Variants in WFDC1 observed in about 807,000 individuals in gnomAD.
WFDC1 encodes the protein WAP four-disulfide core domain protein 1.
WFDC1 carries 39 observed loss-of-function variants against 32.9 expected under a neutral mutation model. The observed-to-expected ratio is 1.19, with a 90% CI of 0.92 to 1.55. The LOEUF is 1.55. Ranked by LOEUF, WFDC1 falls within the 40% of genes most tolerant of loss-of-function variation. WFDC1 has a pLI of 0.00. For missense variants in WFDC1, 386 were observed against 309.5 expected (o/e 1.25, Z -1.85); for synonymous variants, 184 against 137.4 (o/e 1.34, Z -2.37).
At chr16:84,328,777 C>G (rs1029281788) in intron 6 of WFDC1, 3 of 125,826 alleles carry the variant, frequency 2.4e-5, no homozygotes, top group African/African-American at 9.1e-5. Flanking sequence ...TGGTGAAACC[C>G]TATCTCTACA....
chr16:84,297,617 C>CAA (rs150683526), intron 1 of WFDC1, among the ~76,000 whole-genome samples: 2,689 of 69,398 alleles, frequency 0.039, 245 homozygotes, highest in East Asian at 0.18. Context: ...AACTCTGTCT[C>CAA]AAAAAAAAAA....
At chr16:84,324,891 C>T (rs1483676466) in intron 5 of WFDC1, among the ~76,000 whole-genome samples, 1 of 151,996 alleles carries the variant, frequency 6.6e-6, no homozygotes, top group Non-Finnish European at 1.5e-5. Context: ...ATTCATCCAT[C>T]CATCCTCTCA....
In WFDC1 at chr16:84,312,963, C is replaced by G; in HGVS notation, c.147C>G (p.Ala49=). 4 of 1,158,308 alleles carry G rather than the reference C, an allele frequency of 3.5e-6. No individual in the cohort carries two copies. The highest frequency in any genetic ancestry group is 8.5e-5 in the South Asian group (2 of 23,566). 71.8% of individuals were successfully genotyped at this position (1,158,308 alleles called of 1,614,324 possible). A position where few individuals can be genotyped will look rare whatever the true frequency, so the allele number is the denominator to read the frequency against. The change falls in exon 2 of 7, where the codon GCC becomes GCG. Residue 49 remains alanine, a splice_region_variant and synonymous_variant. Transcript: ENST00000219454. ...CTGACACCGCCCTCTCCCCGCAGGC[C>G]GAGGAGGCGGGCGCGCCCGGCGGCC... ...LPARLAEKSR[A]EEAGAPGGPR... is the part of the protein sequence containing the mutation.
chr16:84,314,058 A>AAAAAG (rs1467135966), intron 2 of WFDC1, among the ~76,000 whole-genome samples: 1 of 152,032 alleles, frequency 6.6e-6, no homozygotes, highest in Non-Finnish European at 1.5e-5. Flanking sequence ...AAAAAGAAAG[A>AAAAAG]AAAAGAAAAG....
At chr16:84,302,489 G>C (rs1906999003) in intron 1 of WFDC1, among the ~76,000 whole-genome samples, 1 of 152,116 alleles carries the variant, frequency 6.6e-6, no homozygotes, top group Non-Finnish European at 1.5e-5. Flanking sequence ...CCGAGAGGCA[G>C]CCTCTCAGCA....
At chr16:84,308,311 T>C (rs1484695978) in intron 1 of WFDC1, among the ~76,000 whole-genome samples, 2 of 152,098 alleles carry the variant, frequency 1.3e-5, no homozygotes, top group Non-Finnish European at 2.9e-5. Context: ...AGGGACCTGG[T>C]GCCCCCTGCA....
At chr16:84,317,356 T>C (rs1396492315) in intron 2 of WFDC1, 1 of 150,760 alleles carries the variant, frequency 6.6e-6, no homozygotes, top group African/African-American at 2.4e-5. Context: ...AATAAATAAA[T>C]AGAATAAGAA....
Position 84,318,294 on chromosome 16 carries a change from G to A in WFDC1, c.360G>A (p.Pro120=), listed in dbSNP as rs535524526. 69 of 1,614,086 alleles carry A rather than the reference G, an allele frequency of 4.3e-5. No individual in the cohort carries two copies. Among genetic ancestry groups the A allele is most frequent in the Middle Eastern group, 3.3e-4 (2 of 6,050 alleles). The change falls in exon 3 of 7, where the codon CCG becomes CCA. Residue 120 remains proline, a synonymous_variant. Transcript: ENST00000219454. ...TAGTCTTAGACTGGCTGGTGCAGCCGAAACCTCGATGGCTTGGTGGCAATG... is the reference window on the plus strand; with the variant it reads ...TAGTCTTAGACTGGCTGGTGCAGCCAAAACCTCGATGGCTTGGTGGCAATG... ...PPPVLDWLVQ[P]KPRWLGGNGW...
chr16:84,307,290 A>C (rs8051764), intron 1 of WFDC1, among the ~76,000 whole-genome samples: 37,452 of 152,110 alleles, frequency 0.25, 4,758 homozygotes, highest in Middle Eastern at 0.39. Context: ...AGAACTCCAG[A>C]AAACGCCCTG....
intron 1 of WFDC1, among the ~76,000 whole-genome samples, chr16:84,312,225 C>A (rs545984358): frequency 1.3e-5 from 2 of 152,130 alleles, no homozygotes; most frequent in Admixed American, 6.6e-5. Context: ...CCTACGTGTT[C>A]AGCTCCATGA....
In WFDC1 at chr16:84,306,803, C is replaced by T. The variant is rs552353649; in HGVS notation, c.145-6158C>T. ...ATCATCATCATCACAGCTTTTGTTCCACCCGAAGAATATTTACTGAGTACT... is the reference window on the plus strand; with the variant it reads ...ATCATCATCATCACAGCTTTTGTTCTACCCGAAGAATATTTACTGAGTACT... On this transcript the variant is annotated intron_variant, in intron 1 of 6. Coordinates refer to ENST00000219454, the MANE Select transcript of WFDC1 (RefSeq NM_021197.4). Among the ~76,000 whole-genome samples, 8 of 151,784 alleles carry T rather than the reference C, an allele frequency of 5.3e-5. No individual in the cohort carries two copies. The South Asian group carries it at 1.7e-3, about 32-fold the overall frequency.
chr16:84,322,145 C>CTGTGTGTGTGTGTGCG (rs1908336340), intron 4 of WFDC1, among the ~76,000 whole-genome samples: 1 of 109,336 alleles, frequency 9.1e-6, no homozygotes, highest in Non-Finnish European at 2.1e-5. Context: ...GCCTCAGAGC[C>CTGTGTGTGTGTGTGCG]TGTGTGTGTG....
chr16:84,324,355 T>G, intron 4 of WFDC1, 64 bp from the exon 5 acceptor site: 1 of 1,462,504 alleles, frequency 6.8e-7, no homozygotes, highest in Admixed American at 1.7e-5. Context: ...TCAGTGTTAT[T>G]ATGACAACAG....
intron 2 of WFDC1, 56 bp from the exon 3 acceptor site, chr16:84,318,216 C>A: frequency 6.3e-7 from 1 of 1,580,672 alleles, no homozygotes; most frequent in Non-Finnish European, 8.7e-7. Flanking sequence ...GCCCCCAAGC[C>A]TGGGCGTTTC....
At chr16:84,320,739 C>T (rs1004476502) in intron 4 of WFDC1, among the ~76,000 whole-genome samples, 10 of 152,148 alleles carry the variant, frequency 6.6e-5, no homozygotes, top group African/African-American at 2.4e-4. Context: ...ACCCAGGGGC[C>T]CCTGTCCCCG....
intron 2 of WFDC1, among the ~76,000 whole-genome samples, chr16:84,314,337 G>GTGGGGAAAATGTGCCCTTGGT (rs1392939022): frequency 1.3e-5 from 2 of 152,178 alleles, no homozygotes; most frequent in Non-Finnish European, 2.9e-5. Flanking sequence ...GTGCCCTTGG[G>GTGGGGAAAATGTGCCCTTGGT]TGGGGAAAAT....
chr16:84,324,227 G>A (rs995033895), intron 4 of WFDC1, among the ~76,000 whole-genome samples, 192 bp from the exon 5 acceptor site: 1 of 152,170 alleles, frequency 6.6e-6, no homozygotes, highest in African/African-American at 2.4e-5. Flanking sequence ...TGGGTTGATG[G>A]CTCTGGATAT....
intron 5 of WFDC1, 148 bp downstream of exon 5, chr16:84,324,608 G>T: frequency 1.2e-6 from 1 of 853,728 alleles, no homozygotes; most frequent in South Asian, 1.8e-5. Flanking sequence ...GAAGACCTGT[G>T]GTCTGATGGT....
At chr16:84,324,132 AAAAG>A (rs1908455041) in intron 4 of WFDC1, among the ~76,000 whole-genome samples, 1 of 152,208 alleles carries the variant, frequency 6.6e-6, no homozygotes, top group South Asian at 2.1e-4. Flanking sequence ...AGAAAAAAAA[AAAAG>A]ACAGTGGTTC....
Sources: allele counts gnomAD v4.1 joint callset (sites outside exome capture counted in the v4.1 genomes callset), GRCh38; gene constraint gnomAD v4.1.1; transcripts MANE v1.5; gene names NCBI Gene and HGNC (gene_info 2026-07-23, HGNC 2026-07-21).